ZNF569: variants seen among roughly 807,000 people sequenced by gnomAD.
ZNF569 encodes DNA-binding protein.
ZNF569 carries 38 observed loss-of-function variants against 56.3 expected under a neutral mutation model. That is an observed-to-expected ratio of 0.68 (90% CI 0.52 to 0.88). The LOEUF is 0.88. Ranked by LOEUF, ZNF569 falls within the 40% of genes least tolerant of loss-of-function variation. The probability of loss-of-function intolerance (pLI) is 0.00; values close to 1 mark genes in which losing one functional copy is unlikely to be tolerated. For synonymous variants in ZNF569, 241 were observed against 262.9 expected, an observed-to-expected ratio of 0.92 and a Z score of 0.81; for missense variants, 666 against 809.2, an observed-to-expected ratio of 0.82 and a Z score of 2.15.
At position 37,416,415 on chromosome 19, in the gene ZNF569, A is replaced by G. The variant is rs546556153; in HGVS notation, c.239-1996T>C. Among the ~76,000 whole-genome samples, 181 of 152,306 alleles carry G rather than the reference A, an allele frequency of 1.2e-3. 2 individuals carry two copies. The highest frequency in any genetic ancestry group is 4.2e-3 in the African/African-American group (176 of 41,574). ...GATATTTATTTTTAAAAACCTTCATATACAAACAACTACAGTCATCCCTCA... is the reference window on the plus strand; with the variant it reads ...GATATTTATTTTTAAAAACCTTCATGTACAAACAACTACAGTCATCCCTCA... On this transcript the variant is annotated intron_variant, in intron 5 of 5. Transcript: ENST00000316950.
rs1224669679 is a variant in ZNF569, at chr19:37,426,475, T to C, written c.16-97A>G. On this transcript the variant is annotated intron_variant, in intron 3 of 5. Coordinates refer to ENST00000316950, the MANE Select transcript of ZNF569 (RefSeq NM_152484.3). ...TTGTTCTGATATTAATCAGAGGTTA[T>C]TAAAAAAGCCCATCATATTAGCAGC... 3.0e-6 allele frequency: 4 copies of C among 1,315,098 alleles called. No homozygotes were observed. In the African/African-American group the frequency reaches 5.9e-5, roughly 20 times the overall value. 81.5% of individuals were successfully genotyped at this position (1,315,098 alleles called of 1,614,324 possible). A position where few individuals can be genotyped will look rare whatever the true frequency, so the allele number is the denominator to read the frequency against.
intron 5 of ZNF569, among the ~76,000 whole-genome samples, chr19:37,417,516 T>G (rs1405425697): frequency 6.6e-6 from 1 of 150,474 alleles, no homozygotes; most frequent in Non-Finnish European, 1.5e-5. Context: ...CTCAAAGTGC[T>G]GGGATTACAG....
In ZNF569 at chr19:37,413,137, T is replaced by G; in HGVS notation, c.1521A>C (p.Gln507His). Residue 507 changes from glutamine (Q) to histidine (H), a missense_variant, in exon 6 of 6, where the codon CAA (glutamine) becomes CAC (histidine). By Grantham distance (24) the Gln-to-His change is conservative. Transcript: ENST00000316950. ...GAACTTTTTGATGTGTAATGAAGTT[T>G]TGCTTTTGGCTGAAGGCTTTACCAC... Reference protein sequence around the residue: ...NECGKAFSQKQNFITHQKVHT... With the variant: ...NECGKAFSQKHNFITHQKVHT... The G allele has an allele frequency of 6.2e-7, 1 of 1,609,276 alleles. No individual in the cohort carries two copies. The highest frequency in any genetic ancestry group is 8.5e-7 in the Non-Finnish European group (1 of 1,178,330).
chr19:37,417,266 T>A (rs760044886), intron 5 of ZNF569, among the ~76,000 whole-genome samples: 90 of 152,074 alleles, frequency 5.9e-4, no homozygotes, highest in Non-Finnish European at 1.1e-3. Flanking sequence ...ATAGTTATTT[T>A]TTTTATTTTT....
chr19:37,417,934 C>T (rs936724567), intron 5 of ZNF569, among the ~76,000 whole-genome samples: 1 of 151,840 alleles, frequency 6.6e-6, no homozygotes, highest in Non-Finnish European at 1.5e-5. Context: ...AACCCGGTCT[C>T]TACTAAAAAT....
intron 1 of ZNF569, 27 bp from the exon 2 acceptor site, chr19:37,465,500 A>G (rs1000801628): frequency 6.6e-6 from 1 of 152,196 alleles, no homozygotes; most frequent in Non-Finnish European, 1.5e-5. Flanking sequence ...AAAACAGAAC[A>G]CTACTTTAGA....
At chr19:37,425,443 TC>T (rs1267082143) in intron 5 of ZNF569, among the ~76,000 whole-genome samples, 1 of 148,012 alleles carries the variant, frequency 6.8e-6, no homozygotes, top group East Asian at 2.1e-4. Flanking sequence ...TGCCTCAGCC[TC>T]CCAAGTAGCT....
rs746432517 is a variant in ZNF569, at chr19:37,413,721, G to C, written c.937C>G (p.Leu313Val). The C allele has an allele frequency of 1.2e-6, 2 of 1,613,598 alleles. No individual in the cohort carries two copies. Among genetic ancestry groups the C allele is most frequent in the Non-Finnish European group, 1.7e-6 (2 of 1,179,864 alleles). ...GTATGAACTTTCTGATGTGCAATGA[G>C]GCTTTGCTTCTGGCTGAATGCTTTT... Reference protein sequence around the residue: ...CGKAFSQKQSLIAHQKVHTGE... With the variant: ...CGKAFSQKQSVIAHQKVHTGE... The change falls in exon 6 of 6, where the codon CTC (leucine) becomes GTC (valine). Residue 313 changes from leucine (L) to valine (V), a missense_variant. Leu to Val is a conservative substitution (Grantham distance 32). Transcript: ENST00000316950.
At chr19:37,453,630 CTTTTA>C (rs1303000266) in intron 2 of ZNF569, among the ~76,000 whole-genome samples, 3 of 151,932 alleles carry the variant, frequency 2.0e-5, no homozygotes, top group Non-Finnish European at 4.4e-5. Context: ...CAAGATTTTC[CTTTTA>C]TTTTTAGTTT....
chr19:37,423,327 T>C (rs1289315404), intron 5 of ZNF569, among the ~76,000 whole-genome samples: 1 of 152,200 alleles, frequency 6.6e-6, no homozygotes, highest in East Asian at 1.9e-4. Flanking sequence ...TACCAAATTT[T>C]CTAGGGAGTT....
At chr19:37,460,476 CACACCA>C (rs2041739665) in intron 2 of ZNF569, among the ~76,000 whole-genome samples, 1 of 151,524 alleles carries the variant, frequency 6.6e-6, no homozygotes, top group African/African-American at 2.4e-5. Flanking sequence ...CAAAAATAAT[CACACCA>C]AGTGTAAATG....
chr19:37,425,086 T>G (rs2041104334), intron 5 of ZNF569, among the ~76,000 whole-genome samples: 1 of 151,780 alleles, frequency 6.6e-6, no homozygotes, highest in African/African-American at 2.4e-5. Flanking sequence ...GCCACTGTAC[T>G]CCACAGTGAC....
intron 5 of ZNF569, among the ~76,000 whole-genome samples, chr19:37,414,632 TAAATAC>T (rs2040898079): frequency 6.6e-6 from 1 of 152,082 alleles, no homozygotes; most frequent in South Asian, 2.1e-4. Context: ...CATATATTTA[TAAATAC>T]AAATAGCTTT....
In ZNF569 at chr19:37,412,440, A is replaced by G; in HGVS notation, c.*157T>C. On this transcript the variant is annotated 3_prime_UTR_variant, in exon 6 of 6. Transcript: ENST00000316950. The stretch of plus-strand genomic sequence containing the variant: ...CAGCTTTTTCATTATATAATTTGTC[A>G]CCTTGGAAGAATTCTCTAATGTTTC... The G allele has an allele frequency of 7.9e-7, 1 of 1,265,200 alleles. No homozygotes were observed. The highest frequency in any genetic ancestry group is 1.0e-6 in the Non-Finnish European group (1 of 985,700). 78.4% of individuals were successfully genotyped at this position (1,265,200 alleles called of 1,614,324 possible). A position where few individuals can be genotyped will look rare whatever the true frequency, so the allele number is the denominator to read the frequency against.
intron 3 of ZNF569, among the ~76,000 whole-genome samples, chr19:37,430,562 C>G (rs1032128225): frequency 5.5e-4 from 83 of 150,120 alleles, no homozygotes; most frequent in African/African-American, 2.0e-3. Flanking sequence ...AGCAATGGGA[C>G]AACATATTCA....
chr19:37,460,242 G>A (rs950086329), intron 2 of ZNF569, among the ~76,000 whole-genome samples: 1 of 152,010 alleles, frequency 6.6e-6, no homozygotes, highest in African/African-American at 2.4e-5. Flanking sequence ...TCTGTCTCCT[G>A]GGTTCAAGCA....
At chr19:37,468,873 C>G (rs555213259), upstream of ZNF569, 174 of 195,152 alleles carry the variant, frequency 8.9e-4, 1 homozygote, top group African/African-American at 4.0e-3. Flanking sequence ...TGCATCCCCC[C>G]CACCCCGCTC....
rs2040848352 is a variant in ZNF569 at position 37,412,100 on chromosome 19, A to G, written c.*497T>C. 1 of 152,298 alleles carries G rather than the reference A, an allele frequency of 6.6e-6. No homozygotes were observed. Among genetic ancestry groups the G allele is most frequent in the Non-Finnish European group, 1.5e-5 (1 of 68,088 alleles). 9.4% of individuals were successfully genotyped at this position (152,298 alleles called of 1,614,324 possible). ...TTTGGGAGAGAAATTATATTTTTAC[A>G]ATGTCAAGTCTTTTCAGACAAAATA... On this transcript the variant is annotated 3_prime_UTR_variant, in exon 6 of 6. Coordinates refer to ENST00000316950, the MANE Select transcript of ZNF569 (RefSeq NM_152484.3).
At chr19:37,425,378 G>A (rs1375944137) in intron 5 of ZNF569, among the ~76,000 whole-genome samples, 3 of 144,660 alleles carry the variant, frequency 2.1e-5, no homozygotes, top group Non-Finnish European at 4.5e-5. Context: ...CTGGAGTGCA[G>A]TGGCGCAATC....
Sources: gnomAD v4.1 joint callset for allele counts (sites outside exome capture counted in the v4.1 genomes callset) on GRCh38, gnomAD v4.1.1 for gene constraint, MANE v1.5 for transcripts, NCBI Gene and HGNC (gene_info 2026-07-23, HGNC 2026-07-21) for gene names.